The following PTPN12 variants were observed in gnomAD, a reference collection of about 807,000 sequenced individuals.
The protein encoded by PTPN12 is tyrosine-protein phosphatase non-receptor type 12.
A neutral mutation model predicts 97.6 loss-of-function variants in PTPN12; 29 were observed. The ratio of observed to expected loss-of-function variants is 0.30; its 90% confidence interval spans 0.22 to 0.41. The LOEUF is 0.41. PTPN12 is among the 10% of genes least tolerant of loss of function. PTPN12 has a pLI of 1.00. For missense variants in PTPN12, 819 were observed against 926.0 expected (o/e 0.88, Z 1.50); for synonymous variants, 327 against 300.4 (o/e 1.09, Z -0.91).
Position 77,627,414 on chromosome 7 carries a change from C to A in PTPN12, c.1735C>A (p.Pro579Thr). 6.2e-7 allele frequency: 1 copy of A among 1,614,120 alleles called. No individual in the cohort carries two copies. Among genetic ancestry groups the A allele is most frequent in the South Asian group, 1.1e-5 (1 of 91,078 alleles). ...TPSPTTQVET[P>T]DLVDHDNTSP... ...AAGTCCTACAACACAAGTTGAAACA[C>A]CTGATCTTGTGGATCATGATAACAC... Residue 579 changes from proline (P) to threonine (T), a missense_variant, in exon 13 of 18, where the codon CCT (proline) becomes ACT (threonine). Around this residue, in one of 5 missense-constraint regions of PTPN12, gnomAD observed 607 missense variants for 577.3 expected, o/e 1.05. Coordinates refer to ENST00000248594, the MANE Select transcript of PTPN12 (RefSeq NM_002835.4).
chr7:77,538,345 G>C (rs1362545741), intron 1 of PTPN12, among the ~76,000 whole-genome samples: 1 of 152,032 alleles, frequency 6.6e-6, no homozygotes, highest in African/African-American at 2.4e-5. Flanking sequence ...GATAAGTGTG[G>C]GTGGGGGAAT....
chr7:77,545,408 A>G (rs1234148338), intron 1 of PTPN12, among the ~76,000 whole-genome samples: 6 of 152,160 alleles, frequency 3.9e-5, no homozygotes, highest in Non-Finnish European at 7.3e-5. Context: ...ATTATTAAAA[A>G]TATAAGTTAA....
chr7:77,588,398 C>G (rs1787759206), intron 5 of PTPN12, among the ~76,000 whole-genome samples: 2 of 152,206 alleles, frequency 1.3e-5, no homozygotes, highest in East Asian at 3.9e-4. Context: ...AGTGAGAATG[C>G]TCACAACATC....
rs1257849245 is a variant in PTPN12 at position 77,637,049 on chromosome 7, G to GT, written c.2173+2dup. 6.2e-7 allele frequency: 1 copy of GT among 1,605,838 alleles called. No individual in the cohort carries two copies. Among genetic ancestry groups the GT allele is most frequent in the Non-Finnish European group, 8.5e-7 (1 of 1,173,912 alleles). ...ATAACCTCTGAAAATGAGAAATGTG[G>GT]TAAGTTGTTAGATTTTTTTTTTCCT... On this transcript the variant is annotated splice_donor_variant, in intron 16 of 17. Transcript: ENST00000248594. LOFTEE classifies it high-confidence loss of function.
At chr7:77,585,993 G>A (rs570835861) in intron 5 of PTPN12, among the ~76,000 whole-genome samples, 1 of 151,874 alleles carries the variant, frequency 6.6e-6, no homozygotes, top group East Asian at 1.9e-4. Flanking sequence ...TCGCTCTGTT[G>A]CCCAGGCTGG....
intron 1 of PTPN12, among the ~76,000 whole-genome samples, chr7:77,564,837 A>G (rs528402918): frequency 7.4e-6 from 1 of 134,412 alleles, no homozygotes; most frequent in Admixed American, 9.1e-5. Flanking sequence ...AGCTCACTGC[A>G]ACCTCCGCCT....
chr7:77,538,063 G>A, intron 1 of PTPN12: 6 of 997,698 alleles, frequency 6.0e-6, no homozygotes, highest in Non-Finnish European at 7.2e-6. Flanking sequence ...GCTGTGACCG[G>A]GAGGAGTGCA....
At chr7:77,582,284 T>C (rs1168949190) in intron 3 of PTPN12, among the ~76,000 whole-genome samples, 9 of 151,732 alleles carry the variant, frequency 5.9e-5, no homozygotes, top group Admixed American at 3.3e-4. Flanking sequence ...CGTGAGCCAC[T>C]GCGCCCAGCG....
At chr7:77,638,582 A>C (rs377419777) in intron 16 of PTPN12, 42 bp from the exon 17 acceptor site, 109 of 1,527,910 alleles carry the variant, frequency 7.1e-5, no homozygotes, top group Non-Finnish European at 7.0e-5. Flanking sequence ...ATATGATGCT[A>C]CAAAGGATGG....
chr7:77,539,775 C>T (rs1277760918), intron 1 of PTPN12, among the ~76,000 whole-genome samples: 2 of 152,196 alleles, frequency 1.3e-5, no homozygotes, highest in East Asian at 1.9e-4. Flanking sequence ...ATTATAGGCA[C>T]GTGCCACCAC....
intron 8 of PTPN12, among the ~76,000 whole-genome samples, chr7:77,601,849 T>C (rs367766167): frequency 6.6e-6 from 1 of 152,182 alleles, no homozygotes; most frequent in African/African-American, 2.4e-5. Context: ...AAGCAAGCAT[T>C]CTTGTAGTAA....
At chr7:77,575,822 A>C (rs1281620385) in intron 2 of PTPN12, among the ~76,000 whole-genome samples, 2 of 152,134 alleles carry the variant, frequency 1.3e-5, no homozygotes, top group African/African-American at 2.4e-5. Flanking sequence ...AAATGTAATC[A>C]TACAATATAT....
At chr7:77,590,208 T>C (rs1026968569) in intron 5 of PTPN12, among the ~76,000 whole-genome samples, 8 of 152,190 alleles carry the variant, frequency 5.3e-5, no homozygotes, top group Admixed American at 3.9e-4. Context: ...TAACACATAG[T>C]TTTTGATATC....
At chr7:77,595,605 A>C (rs1490305452) in intron 6 of PTPN12, among the ~76,000 whole-genome samples, 3 of 152,214 alleles carry the variant, frequency 2.0e-5, no homozygotes, top group African/African-American at 7.2e-5. Context: ...TGTCTATCAC[A>C]ATAGCAAAGT....
intron 12 of PTPN12, among the ~76,000 whole-genome samples, chr7:77,621,909 G>A (rs117885085): frequency 0.018 from 2,800 of 152,258 alleles, 34 homozygotes; most frequent in Middle Eastern, 0.072. Context: ...TGACTGAAAC[G>A]TCACATGACT....
At chr7:77,581,573 CTT>C in intron 3 of PTPN12, 70 bp downstream of exon 3, 1 of 902,366 alleles carries the variant, frequency 1.1e-6, no homozygotes, top group South Asian at 1.8e-5. Context: ...TTTGTAAAAA[CTT>C]TTTGAATTGC....
intron 14 of PTPN12, among the ~76,000 whole-genome samples, chr7:77,635,477 C>CA (rs1421108242): frequency 1.3e-5 from 2 of 152,164 alleles, no homozygotes; most frequent in African/African-American, 4.8e-5. Context: ...CTAAGTCTGT[C>CA]ACGTTGTCTG....
At chr7:77,628,064 T>C (rs1042778118) in intron 13 of PTPN12, among the ~76,000 whole-genome samples, 5 of 152,196 alleles carry the variant, frequency 3.3e-5, no homozygotes, top group African/African-American at 1.2e-4. Context: ...GGCCATATAA[T>C]GTTACTCGTT....
rs1255029941 is a variant in PTPN12 at position 77,627,644 on chromosome 7, A to T, written c.1965A>T (p.Ile655=). The change falls in exon 13 of 18, where the codon ATA becomes ATT. Residue 655 remains isoleucine, a synonymous_variant. Transcript: ENST00000248594. The part of the protein sequence containing the change: ...VLPMSIARHN[I]AGTTHSGAEK... The stretch of plus-strand genomic sequence containing the variant: ...CAATGTCCATTGCTAGACATAATAT[A>T]GCAGGAACAACACATTCAGGTGCTG... 1.3e-6 allele frequency: 2 copies of T among 1,594,102 alleles called. No individual in the cohort carries two copies. The highest frequency in any genetic ancestry group is 1.7e-6 in the Non-Finnish European group (2 of 1,170,804).
Sources: gnomAD v4.1 joint callset for allele counts (sites outside exome capture counted in the v4.1 genomes callset) on GRCh38, gnomAD v4.1.1 for gene constraint, gnomAD v4.1.1 regional missense constraint, MANE v1.5 for transcripts, NCBI Gene and HGNC (gene_info 2026-07-23, HGNC 2026-07-21) for gene names.